Variants in HNRNPC observed in about 807,000 individuals in gnomAD.
HNRNPC encodes heterogeneous nuclear ribonucleoproteins C1/C2.
HNRNPC carries 3 observed loss-of-function variants against 33.2 expected under a neutral mutation model. That is an observed-to-expected ratio of 0.09 (90% CI 0.04 to 0.23). The LOEUF (loss-of-function observed/expected upper bound fraction) is 0.23, where lower values mean the gene tolerates loss of function less well. HNRNPC is among the 10% of genes least tolerant of loss of function. The pLI is 1.00. For missense variants in HNRNPC, 143 were observed against 366.7 expected (o/e 0.39, Z 4.98); for synonymous variants, 121 against 126.7 (o/e 0.96, Z 0.30).
intron 5 of HNRNPC, among the ~76,000 whole-genome samples, chr14:21,227,946 C>A (rs995424975): frequency 1.3e-5 from 2 of 152,204 alleles, no homozygotes; most frequent in Admixed American, 1.3e-4. Context: ...CACAGAAACA[C>A]AACCACGTCC....
chr14:21,259,515 TA>T (rs1877810105), intron 2 of HNRNPC, among the ~76,000 whole-genome samples: 1 of 152,138 alleles, frequency 6.6e-6, no homozygotes, highest in African/African-American at 2.4e-5. Context: ...CCAAGATGTT[TA>T]AAATATTCTT....
chr14:21,217,442 T>TGGTGA, intron 5 of HNRNPC, among the ~76,000 whole-genome samples: 1 of 152,350 alleles, frequency 6.6e-6, no homozygotes, highest in South Asian at 2.1e-4. Flanking sequence ...CCACTGGAGC[T>TGGTGA]ATACAAGGTA....
intron 1 of HNRNPC, chr14:21,268,490 T>C (rs1476559012): frequency 6.6e-6 from 1 of 152,212 alleles, no homozygotes; most frequent in African/African-American, 2.4e-5. Context: ...AGGTATTCCA[T>C]TAACTAGGTA....
chr14:21,227,519 T>G (rs1192947012), intron 5 of HNRNPC, among the ~76,000 whole-genome samples: 1 of 152,208 alleles, frequency 6.6e-6, no homozygotes, highest in Non-Finnish European at 1.5e-5. Context: ...CAAAAATAAT[T>G]GCGGTTTTGC....
At chr14:21,263,413 T>C (rs1379154065) in intron 1 of HNRNPC, 77 bp from the exon 2 acceptor site, 2 of 152,444 alleles carry the variant, frequency 1.3e-5, no homozygotes, top group East Asian at 1.9e-4. Flanking sequence ...GTAAAGTTCA[T>C]TTCTTTTCTC....
At chr14:21,231,112 T>A in intron 3 of HNRNPC, 40 bp from the exon 4 acceptor site, 1 of 1,573,950 alleles carries the variant, frequency 6.4e-7, no homozygotes. Flanking sequence ...CAACTTTGTA[T>A]CCGGGTAAAA....
At chr14:21,221,912 G>A (rs1316791803) in intron 5 of HNRNPC, among the ~76,000 whole-genome samples, 1 of 151,700 alleles carries the variant, frequency 6.6e-6, no homozygotes, top group Non-Finnish European at 1.5e-5. Flanking sequence ...AGCCGGGCGT[G>A]GTGGCGGGCA....
rs796939534 is a variant in HNRNPC at position 21,267,752 on chromosome 14, C to T, written c.-63+1546G>A. On this transcript the variant is annotated intron_variant, in intron 1 of 8. Transcript: ENST00000553300. ...ATACTGACCGGAAGGAACCCATTTT[C>T]GAAAACCTCAAAGAAAAGTGCCCGT... Among the ~76,000 whole-genome samples the T allele has an allele frequency of 2.0e-5, 3 of 152,142 alleles. No individual in the cohort carries two copies. The South Asian group carries it at 6.2e-4, about 31-fold the overall frequency.
At chr14:21,211,699 C>A in intron 7 of HNRNPC, 111 bp downstream of exon 7, 1 of 1,420,200 alleles carries the variant, frequency 7.0e-7, no homozygotes, top group Non-Finnish European at 9.8e-7. Context: ...ATTCACACTC[C>A]CCAAGTTTCA....
chr14:21,269,051 T>C (rs1879504248), intron 1 of HNRNPC, among the ~76,000 whole-genome samples: 1 of 152,082 alleles, frequency 6.6e-6, no homozygotes, highest in African/African-American at 2.4e-5. Context: ...AAAGCAGCCG[T>C]TAACACAGGA....
At chr14:21,234,398 G>C (rs1401137340) in intron 2 of HNRNPC, among the ~76,000 whole-genome samples, 169 bp from the exon 3 acceptor site, 1 of 152,066 alleles carries the variant, frequency 6.6e-6, no homozygotes, top group Non-Finnish European at 1.5e-5. Flanking sequence ...AGAGACTCCA[G>C]CCTCTGAATA....
At chr14:21,212,294 C>A (rs1309790607) in intron 6 of HNRNPC, among the ~76,000 whole-genome samples, 1 of 151,972 alleles carries the variant, frequency 6.6e-6, no homozygotes, top group Non-Finnish European at 1.5e-5. Context: ...CGCACCACTG[C>A]ATCAGACCTT....
chr14:21,228,165 C>T (rs1448590503), intron 5 of HNRNPC, among the ~76,000 whole-genome samples: 2 of 152,230 alleles, frequency 1.3e-5, no homozygotes, highest in African/African-American at 4.8e-5. Context: ...GACAAACTCA[C>T]TGGGTTTCAG....
At position 21,264,229 on chromosome 14, in the gene HNRNPC, C is replaced by T. The variant is rs576207632; in HGVS notation, c.-62-893G>A. 5.9e-5 allele frequency: 9 copies of T among 152,136 alleles called. No individual in the cohort carries two copies. In the South Asian group the frequency reaches 6.2e-4, roughly 11 times the overall value. 9.4% of individuals were successfully genotyped at this position (152,136 alleles called of 1,614,324 possible). Reference sequence around the variant, plus strand: ...CATGGGTTTTAAACTTAAAAAAGTCCGTGGAGTTTTTGCTATGAGTAATAG... The same window carrying T: ...CATGGGTTTTAAACTTAAAAAAGTCTGTGGAGTTTTTGCTATGAGTAATAG... On this transcript the variant is annotated intron_variant, in intron 1 of 8. Transcript: ENST00000553300.
At chr14:21,221,413 T>C (rs933315582) in intron 5 of HNRNPC, among the ~76,000 whole-genome samples, 3 of 152,234 alleles carry the variant, frequency 2.0e-5, no homozygotes, top group Non-Finnish European at 4.4e-5. Context: ...TGAACTTAAA[T>C]GTTCTACTGA....
intron 2 of HNRNPC, among the ~76,000 whole-genome samples, chr14:21,244,118 T>A (rs937602017): frequency 1.3e-5 from 2 of 152,060 alleles, no homozygotes; most frequent in African/African-American, 2.4e-5. Flanking sequence ...AACCTCTGCC[T>A]TCCGAGTAGC....
chr14:21,250,252 C>CAA (rs112062390), intron 2 of HNRNPC, among the ~76,000 whole-genome samples: 1 of 132,990 alleles, frequency 7.5e-6, no homozygotes, highest in Non-Finnish European at 1.6e-5. Context: ...GACTCCACTT[C>CAA]AAAAAAAAAA....
chr14:21,212,086 A>C (rs979200603), intron 6 of HNRNPC, 163 bp from the exon 7 acceptor site: 1 of 605,828 alleles, frequency 1.7e-6, no homozygotes, highest in Non-Finnish European at 2.9e-6. Context: ...TCTATTATAA[A>C]GCACGTTCTG....
intron 7 of HNRNPC, 100 bp from the exon 8 acceptor site, chr14:21,211,666 C>A: frequency 6.8e-7 from 1 of 1,461,012 alleles, no homozygotes; most frequent in Non-Finnish European, 9.4e-7. Flanking sequence ...AATCTAAATC[C>A]TCCCACACAA....
Sources: allele counts gnomAD v4.1 joint callset (sites outside exome capture counted in the v4.1 genomes callset), GRCh38; gene constraint gnomAD v4.1.1; transcripts MANE v1.5; gene names NCBI Gene and HGNC (gene_info 2026-07-23, HGNC 2026-07-21).